The following SIN3A variants were observed in gnomAD, a reference collection of about 807,000 sequenced individuals.
The protein encoded by SIN3A is SIN3 transcription regulator family member A.
SIN3A carries 14 observed loss-of-function variants against 146.1 expected under a neutral mutation model. That is an observed-to-expected ratio of 0.10 (90% CI 0.06 to 0.15). The LOEUF is 0.15. Ranked by LOEUF, SIN3A falls within the 10% of genes least tolerant of loss-of-function variation. The probability of loss-of-function intolerance (pLI) is 1.00; values close to 1 mark genes in which losing one functional copy is unlikely to be tolerated. For synonymous variants in SIN3A, 572 were observed against 572.0 expected (o/e 1.00, Z 0.00); for missense variants, 1,028 against 1,576.0 (o/e 0.65, Z 5.89).
intron 14 of SIN3A, among the ~76,000 whole-genome samples, chr15:75,393,134 C>A (rs2073240048): frequency 6.6e-6 from 1 of 152,144 alleles, no homozygotes. Flanking sequence ...GATGCTAAGG[C>A]AAGAGAATCA....
chr15:75,409,017 A>G (rs2073574328), intron 8 of SIN3A, among the ~76,000 whole-genome samples: 1 of 152,186 alleles, frequency 6.6e-6, no homozygotes, highest in Admixed American at 6.5e-5. Flanking sequence ...CAGCCTGGCC[A>G]ACATGGCGAA....
At position 75,375,770 on chromosome 15, in the gene SIN3A, C is replaced by T; in HGVS notation, c.3486G>A (p.Leu1162=). 6.2e-7 allele frequency: 1 copy of T among 1,614,148 alleles called. No homozygotes were observed. Among genetic ancestry groups the T allele is most frequent in the East Asian group, 2.2e-5 (1 of 44,880 alleles). ...GCTTGAATCTACACTCCAGCTTATCCAGACTATCCACATTCTCCATGGTCT... is the reference window on the plus strand; with the variant it reads ...GCTTGAATCTACACTCCAGCTTATCTAGACTATCCACATTCTCCATGGTCT... The part of the protein sequence containing the change: ...SKKTMENVDS[L]DKLECRFKLN... Residue 1162 remains leucine, a synonymous_variant, in exon 20 of 21, where the codon CTG becomes CTA. Transcript: ENST00000394947.
rs1427580506 is a variant in SIN3A, at chr15:75,393,118, C to CCAAG, written c.2278-304_2278-303insCTTG. ...GGTGGTAGGTGCCTGTAATCCCAGC[C>CCAAG]CTTGGGATGCTAAGGCAAGAGAATC... is the stretch of plus-strand genomic sequence containing the variant. On this transcript the variant is annotated intron_variant, in intron 14 of 20. Transcript: ENST00000394947. Among the ~76,000 whole-genome samples, 3 of 152,210 alleles carry CCAAG rather than the reference C, an allele frequency of 2.0e-5. No individual in the cohort carries two copies. In the East Asian group the frequency reaches 5.8e-4, roughly 29 times the overall value.
chr15:75,414,511 T>C (rs2073699052), intron 3 of SIN3A, among the ~76,000 whole-genome samples, 200 bp from the exon 4 acceptor site: 1 of 152,172 alleles, frequency 6.6e-6, no homozygotes, highest in African/African-American at 2.4e-5. Flanking sequence ...ATAAAATCTG[T>C]AGCCTTGCCT....
intron 2 of SIN3A, among the ~76,000 whole-genome samples, chr15:75,423,691 C>CA (rs1218266761): frequency 2.0e-5 from 3 of 151,510 alleles, no homozygotes; most frequent in Non-Finnish European, 2.9e-5. Context: ...AACAAACAAA[C>CA]AAAAAAATAT....
intron 15 of SIN3A, among the ~76,000 whole-genome samples, chr15:75,391,179 C>T (rs567302059): frequency 9.8e-4 from 150 of 152,314 alleles, no homozygotes; most frequent in South Asian, 1.7e-3. Flanking sequence ...ATGAAAACTG[C>T]TTTTATGCCA....
At chr15:75,438,775 T>G (rs1284998225) in intron 1 of SIN3A, among the ~76,000 whole-genome samples, 1 of 152,232 alleles carries the variant, frequency 6.6e-6, no homozygotes, top group African/African-American at 2.4e-5. Context: ...TACTCTTTTT[T>G]GCTTATTTTT....
intron 1 of SIN3A, among the ~76,000 whole-genome samples, chr15:75,441,955 C>G (rs937948987): frequency 6.6e-6 from 1 of 151,348 alleles, no homozygotes; most frequent in African/African-American, 2.4e-5. Context: ...CCCATCTGTA[C>G]CAAAACTACA....
chr15:75,428,455 A>C, intron 2 of SIN3A, among the ~76,000 whole-genome samples: 1 of 152,184 alleles, frequency 6.6e-6, no homozygotes, highest in East Asian at 1.9e-4. Flanking sequence ...CTAGGACTAC[A>C]GATGCACACC....
Position 75,435,501 on chromosome 15 carries a change from C to G in SIN3A, c.-33-5093G>C, listed in dbSNP as rs149121458. On this transcript the variant is annotated intron_variant, in intron 1 of 20. Transcript: ENST00000394947. The stretch of plus-strand genomic sequence containing the variant: ...TCACCTGAGTTTGGGAGTTCGAGAC[C>G]AACCTGACCAACATGGAGAAACCCT... 3.7e-3 allele frequency among the ~76,000 whole-genome samples: 559 copies of G among 152,158 alleles called. 3 individuals are homozygous for G. Among genetic ancestry groups the G allele is most frequent in the Non-Finnish European group, 5.7e-3 (389 of 67,990 alleles).
chr15:75,379,099 C>T (rs1389648692), intron 19 of SIN3A, among the ~76,000 whole-genome samples: 1 of 152,090 alleles, frequency 6.6e-6, no homozygotes, highest in Non-Finnish European at 1.5e-5. Context: ...CAGGGTTTCA[C>T]TGTGTTAGCC....
chr15:75,382,366 C>T (rs1458221334), intron 17 of SIN3A, among the ~76,000 whole-genome samples: 3 of 152,138 alleles, frequency 2.0e-5, no homozygotes, highest in Non-Finnish European at 4.4e-5. Flanking sequence ...AAATAGATTT[C>T]GGGGTGGGGG....
chr15:75,442,430 C>G (rs1363589911), intron 1 of SIN3A, among the ~76,000 whole-genome samples: 1 of 151,020 alleles, frequency 6.6e-6, no homozygotes, highest in Non-Finnish European at 1.5e-5. Context: ...ACCTCAGCCT[C>G]CCAAGAAGGT....
rs2073694630 is a variant in SIN3A at position 75,414,296 on chromosome 15, A to T, written c.382T>A (p.Ser128Thr). 1 of 1,520,058 alleles carries T rather than the reference A, an allele frequency of 6.6e-7. No individual in the cohort carries two copies. Among genetic ancestry groups the T allele is most frequent in the Non-Finnish European group, 8.9e-7 (1 of 1,119,728 alleles). 94.2% of individuals were successfully genotyped at this position (1,520,058 alleles called of 1,614,324 possible). ...TGCAGCTTCACCTGGTCAAGATAAG[A>T]TAGCGCATCCTCCACCTGAGGCAGG... ...FQRLKVEDAL[S>T]YLDQVKLQFG... The change falls in exon 4 of 21, where the codon TCT becomes ACT. Residue 128 changes from serine to threonine, a missense_variant. Ser to Thr is a moderately conservative substitution (Grantham distance 58). Around this residue, in one of 9 missense-constraint regions of SIN3A, gnomAD observed 152 missense variants for 231.5 expected, o/e 0.66. Transcript: ENST00000394947.
intron 20 of SIN3A, among the ~76,000 whole-genome samples, chr15:75,374,096 A>C (rs1409578745): frequency 6.6e-6 from 1 of 152,168 alleles, no homozygotes; most frequent in Non-Finnish European, 1.5e-5. Flanking sequence ...AAGCAAAACA[A>C]AACAAACCAA....
intron 3 of SIN3A, chr15:75,422,390 G>C: frequency 1.7e-6 from 1 of 602,666 alleles, no homozygotes; most frequent in South Asian, 2.0e-5. Flanking sequence ...GTATTAAAAT[G>C]GCCCCACAAT....
intron 17 of SIN3A, among the ~76,000 whole-genome samples, chr15:75,383,732 C>CT (rs2073026763): frequency 6.6e-6 from 1 of 152,062 alleles, no homozygotes; most frequent in Admixed American, 6.6e-5. Context: ...GGCAATCCTT[C>CT]TACCTCATTC....
chr15:75,443,615 G>A (rs2074253745), intron 1 of SIN3A: 1 of 152,230 alleles, frequency 6.6e-6, no homozygotes, highest in Non-Finnish European at 1.5e-5. Flanking sequence ...CTACTTGGAG[G>A]GCTGAGGTGA....
intron 8 of SIN3A, among the ~76,000 whole-genome samples, chr15:75,409,557 T>C: frequency 6.8e-6 from 1 of 147,158 alleles, no homozygotes; most frequent in African/African-American, 2.5e-5. Flanking sequence ...AAACCCCGTC[T>C]CCACTAAAAA....
Sources: allele counts gnomAD v4.1 joint callset (sites outside exome capture counted in the v4.1 genomes callset), GRCh38; gene constraint gnomAD v4.1.1; regional missense constraint gnomAD v4.1.1; transcripts MANE v1.5; gene names NCBI Gene and HGNC (gene_info 2026-07-23, HGNC 2026-07-21).